The following MAP1S variants were observed in gnomAD, a reference collection of about 807,000 sequenced individuals.
MAP1S encodes microtubule-associated protein 1S.
In MAP1S, 27 loss-of-function variants were observed where a neutral mutation model predicts 60.9. The observed-to-expected ratio is 0.44, with a 90% confidence interval of 0.33 to 0.61. The LOEUF is 0.61. Among genes scored for constraint, MAP1S ranks in the 20% least tolerant of loss-of-function variants. MAP1S has a pLI of 0.03. For synonymous variants in MAP1S, 826 were observed against 694.2 expected (o/e 1.19, Z -2.98); for missense variants, 1,608 against 1,486.6 (o/e 1.08, Z -1.34).
rs752578611 is a variant in MAP1S, at chr19:17,733,312, C to T, written c.2908C>T (p.Arg970Cys). The T allele has an allele frequency of 4.5e-5, 72 of 1,596,474 alleles. No homozygotes were observed. The highest frequency in any genetic ancestry group is 5.7e-5 in the Non-Finnish European group (67 of 1,172,954). The change falls in exon 6 of 7, where the codon CGC (arginine) becomes TGC (cysteine). Residue 970 changes from arginine (R) to cysteine (C), a missense_variant. Around this residue, in one of 4 missense-constraint regions of MAP1S, gnomAD observed 1,167 missense variants for 961.4 expected, o/e 1.21. Coordinates refer to ENST00000324096, the MANE Select transcript of MAP1S (RefSeq NM_018174.6). The part of the protein sequence containing the change: ...AHLVDEEFFQ[R>C]VRALCYVISG... ...CCTGGTGGATGAGGAGTTCTTCCAG[C>T]GCGTGCGCGCGCTCTGCTACGTCAT... is the stretch of plus-strand genomic sequence containing the variant.
At chr19:17,730,872 GA>G (rs1318760584) in intron 5 of MAP1S, among the ~76,000 whole-genome samples, 1 of 149,814 alleles carries the variant, frequency 6.7e-6, no homozygotes, top group Non-Finnish European at 1.5e-5. Flanking sequence ...TTGCCACATC[GA>G]TTTTTTTTCT....
In MAP1S at chr19:17,727,161, C is replaced by A. The variant is rs754511905; in HGVS notation, c.1777C>A (p.Pro593Thr). ...CAGCCTCCGATGTGGAGAAGCCAGC[C>A]CCCCCAGTGCAGCCTGCGGCTCTCC... The part of the protein sequence containing the change: ...PPSLRCGEAS[P>T]PSAACGSPAS... Residue 593 changes from proline to threonine, a missense_variant, in exon 5 of 7, where the codon CCC (proline) becomes ACC (threonine). By Grantham distance (38) the Pro-to-Thr change is conservative. This residue lies in a region of MAP1S where 1,167 missense variants were observed against 961.4 expected (regional missense o/e 1.21). Transcript: ENST00000324096. The surrounding 1 kb of genome is among the most constrained non-coding windows in gnomAD (Gnocchi z 4.1). 2.6e-5 allele frequency: 41 copies of A among 1,587,816 alleles called. No homozygotes were observed. The highest frequency in any genetic ancestry group is 3.0e-5 in the Non-Finnish European group (35 of 1,170,418).
chr19:17,729,246 T>TC (rs2080471837), intron 5 of MAP1S, among the ~76,000 whole-genome samples: 1 of 152,072 alleles, frequency 6.6e-6, no homozygotes, highest in Non-Finnish European at 1.5e-5. Flanking sequence ...TAACAGTGTG[T>TC]CCCTCATGGA....
At chr19:17,724,030 TATG>T (rs2080394599) in intron 2 of MAP1S, 93 bp from the exon 3 acceptor site, 2 of 888,380 alleles carry the variant, frequency 2.3e-6, no homozygotes, top group African/African-American at 3.3e-5. Flanking sequence ...TTAATCTCCA[TATG>T]ATCCCTGGGT....
Position 17,725,912 on chromosome 19 carries a change from T to A in MAP1S, c.528T>A (p.Ala176=). 1 of 1,613,776 alleles carries A rather than the reference T, an allele frequency of 6.2e-7. No individual in the cohort carries two copies. The highest frequency in any genetic ancestry group is 8.5e-7 in the Non-Finnish European group (1 of 1,179,968). ...CCTGCCCCACCTTCGGTGACTGGGC[T>A]CAGCTGGCACCCGCTGTGCCTGGCC... ...TITCPTFGDW[A]QLAPAVPGLQ... is the part of the protein sequence containing the mutation. The change falls in exon 5 of 7, where the codon GCT becomes GCA. Residue 176 remains alanine, a synonymous_variant. Transcript: ENST00000324096. This position sits in a 1 kb window ranked among gnomAD's most constrained non-coding sequence, Gnocchi z 4.2.
Position 17,727,843 on chromosome 19 carries a change from G to T in MAP1S, c.2459G>T (p.Arg820Leu), listed in dbSNP as rs200408004. The T allele has an allele frequency of 3.1e-6, 5 of 1,613,300 alleles. No individual in the cohort carries two copies. Among genetic ancestry groups the T allele is most frequent in the Non-Finnish European group, 4.2e-6 (5 of 1,179,866 alleles). ...GACACAGAGGGCTTTGGAGTCCCTC[G>T]CCACGACCCTTTGCCTGACCCCCTC... is the stretch of plus-strand genomic sequence containing the variant. Reference protein sequence around the residue: ...DEDTEGFGVPRHDPLPDPLKV... With the variant: ...DEDTEGFGVPLHDPLPDPLKV... Residue 820 changes from arginine (R) to leucine (L), a missense_variant, in exon 5 of 7, where the codon CGC (arginine) becomes CTC (leucine). Coordinates refer to ENST00000324096, the MANE Select transcript of MAP1S (RefSeq NM_018174.6). The surrounding 1 kb of genome is among the most constrained non-coding windows in gnomAD (Gnocchi z 4.1).
rs963163862 is a variant in MAP1S at position 17,734,394 on chromosome 19, A to G, written c.3146A>G (p.Asp1049Gly). 4 of 1,613,270 alleles carry G rather than the reference A, an allele frequency of 2.5e-6. No individual in the cohort carries two copies. The highest frequency in any genetic ancestry group is 3.4e-6 in the Non-Finnish European group (4 of 1,179,906). The change falls in exon 7 of 7, where the codon GAT (aspartate) becomes GGT (glycine). Residue 1049 changes from aspartate to glycine, a missense_variant. Transcript: ENST00000324096. ...AGCAACAGCATGGTGTCCATGCAGG[A>G]TGACGCCTTCCCGGCCTGCAAGGTG... ...LGSNSMVSMQDDAFPACKVEF is the reference protein window; with the variant it reads ...LGSNSMVSMQGDAFPACKVEF
chr19:17,724,231 G>T (rs1357452882), intron 3 of MAP1S, 23 bp downstream of exon 3: 2 of 1,603,144 alleles, frequency 1.2e-6, no homozygotes, highest in Non-Finnish European at 1.7e-6. Context: ...TGACGTCCTG[G>T]AGGGGGCGGG....
rs745652204 is a variant in MAP1S at position 17,727,363 on chromosome 19, G to A, written c.1979G>A (p.Arg660Gln). 5.7e-6 allele frequency: 9 copies of A among 1,586,218 alleles called. No homozygotes were observed. Among genetic ancestry groups the A allele is most frequent in the East Asian group, 2.3e-5 (1 of 43,244 alleles). The stretch of plus-strand genomic sequence containing the variant: ...GAGCGGCTGTCGCTGAGCCCACTGC[G>A]GGGCGGGGAGGCCGGGCCAGACGCC... ...GSERLSLSPL[R>Q]GGEAGPDASP... The change falls in exon 5 of 7, where the codon CGG becomes CAG. Residue 660 changes from arginine (R) to glutamine (Q), a missense_variant. Transcript: ENST00000324096. The surrounding 1 kb of genome is among the most constrained non-coding windows in gnomAD (Gnocchi z 4.1).
chr19:17,733,949 A>G (rs1046553458), intron 6 of MAP1S, among the ~76,000 whole-genome samples: 2 of 152,146 alleles, frequency 1.3e-5, no homozygotes, highest in African/African-American at 4.8e-5. Context: ...CAGAGGTAGG[A>G]AAGAGGTTGG....
chr19:17,725,822 C>T lies in MAP1S; in HGVS notation c.445-7C>T, dbSNP rs1204461705. On this transcript the variant is annotated splice_region_variant and splice_polypyrimidine_tract_variant and intron_variant, in intron 4 of 6. Transcript: ENST00000324096. The surrounding 1 kb of genome is among the most constrained non-coding windows in gnomAD (Gnocchi z 4.2). ...AGGTGGTCCCTTACCACTCCTCCTCCATACAGATCCGGGACATCCTGGCCA... is the reference window on the plus strand; with the variant it reads ...AGGTGGTCCCTTACCACTCCTCCTCTATACAGATCCGGGACATCCTGGCCA... 1 of 1,607,906 alleles carries T rather than the reference C, an allele frequency of 6.2e-7. No homozygotes were observed.
intron 2 of MAP1S, chr19:17,721,448 G>A (rs534870354): frequency 2.4e-5 from 7 of 293,654 alleles, no homozygotes; most frequent in Non-Finnish European, 3.3e-5. Context: ...AGGCCGCAGC[G>A]GGCGGATCAC....
intron 5 of MAP1S, among the ~76,000 whole-genome samples, chr19:17,731,269 C>T (rs887533659): frequency 6.6e-6 from 1 of 152,106 alleles, no homozygotes; most frequent in African/African-American, 2.4e-5. Flanking sequence ...CATTTAGGTC[C>T]ATTTGGAGGT....
Position 17,726,891 on chromosome 19 carries a change from C to T in MAP1S, c.1507C>T (p.Arg503Cys), listed in dbSNP as rs1402114638. The change falls in exon 5 of 7, where the codon CGC becomes TGC. Residue 503 changes from arginine to cysteine, a missense_variant. Arg to Cys is a radical substitution (Grantham distance 180, BLOSUM62 -3). Around this residue, in one of 4 missense-constraint regions of MAP1S, gnomAD observed 1,167 missense variants for 961.4 expected, o/e 1.21. Transcript: ENST00000324096. ...TGGCCAGGAGCGCCCTGGGGTGGCC[C>T]GCAAGGAGCCAGCACGGGCTGAGGC... ...RPGQERPGVA[R>C]KEPARAEAPR... is the part of the protein sequence containing the mutation. The T allele has an allele frequency of 3.2e-6, 5 of 1,558,290 alleles. No individual in the cohort carries two copies. Among genetic ancestry groups the T allele is most frequent in the South Asian group, 2.4e-5 (2 of 84,712 alleles).
chr19:17,722,059 A>C (rs1259235641), intron 2 of MAP1S, among the ~76,000 whole-genome samples: 1 of 152,108 alleles, frequency 6.6e-6, no homozygotes, highest in Non-Finnish European at 1.5e-5. Context: ...CAGAAAGTGG[A>C]GCTGGAAATC....
chr19:17,723,812 A>G (rs572642641), intron 2 of MAP1S, among the ~76,000 whole-genome samples: 179 of 152,218 alleles, frequency 1.2e-3, no homozygotes, highest in African/African-American at 3.8e-3. Flanking sequence ...CAGAGATTGC[A>G]CCACTGCCCT....
At position 17,720,175 on chromosome 19, in the gene MAP1S, C is replaced by G. The variant is rs146483015; in HGVS notation, c.118+555C>G. On this transcript the variant is annotated intron_variant, in intron 1 of 6. Transcript: ENST00000324096. ...GGAGGTGAGTCATAGGCGCACCTGC[C>G]AGGTTCACCTGCAGCCACTTGGCTC... 6.9e-5 allele frequency: 93 copies of G among 1,340,122 alleles called. No individual in the cohort carries two copies. In the East Asian group the frequency reaches 2.1e-3, roughly 31 times the overall value. The allele number at this position is 1,340,122 out of a possible 1,614,324, so 83.0% of individuals were successfully genotyped here. A position where few individuals can be genotyped will look rare whatever the true frequency, so the allele number is the denominator to read the frequency against.
Position 17,726,398 on chromosome 19 carries a change from C to A in MAP1S, c.1014C>A (p.Phe338Leu). 1 of 1,586,428 alleles carries A rather than the reference C, an allele frequency of 6.3e-7. No homozygotes were observed. Among genetic ancestry groups the A allele is most frequent in the South Asian group, 1.1e-5 (1 of 88,792 alleles). ...TCTCCCCCAACCTGGGGGTCGTGTT[C>A]TTCAACGCCTGCGAGGCCGCGTCGC... ...RLISPNLGVV[F>L]FNACEAASRL... The change falls in exon 5 of 7, where the codon TTC becomes TTA. Residue 338 changes from phenylalanine (F) to leucine (L), a missense_variant. Phe to Leu is a conservative substitution (Grantham distance 22). This residue lies in a region of MAP1S where 1,167 missense variants were observed against 961.4 expected (regional missense o/e 1.21). Coordinates refer to ENST00000324096, the MANE Select transcript of MAP1S (RefSeq NM_018174.6).
chr19:17,727,375 C>T lies in MAP1S; in HGVS notation c.1991C>T (p.Ala664Val), dbSNP rs762402215. ...LSLSPLRGGE[A>V]GPDASPTVTT... ...CTGAGCCCACTGCGGGGCGGGGAGG[C>T]CGGGCCAGACGCCTCACCCACAGTG... The change falls in exon 5 of 7, where the codon GCC (alanine) becomes GTC (valine). Residue 664 changes from alanine (A) to valine (V), a missense_variant. Around this residue, in one of 4 missense-constraint regions of MAP1S, gnomAD observed 1,167 missense variants for 961.4 expected, o/e 1.21. Coordinates refer to ENST00000324096, the MANE Select transcript of MAP1S (RefSeq NM_018174.6). This position sits in a 1 kb window ranked among gnomAD's most constrained non-coding sequence, Gnocchi z 4.1. 37 of 1,589,406 alleles carry T rather than the reference C, an allele frequency of 2.3e-5. No individual in the cohort carries two copies. Among genetic ancestry groups the T allele is most frequent in the Middle Eastern group, 1.7e-4 (1 of 6,010 alleles).
Sources: gnomAD v4.1 joint callset for allele counts (sites outside exome capture counted in the v4.1 genomes callset) on GRCh38, gnomAD v4.1.1 for gene constraint, gnomAD v4.1.1 regional missense constraint, Gnocchi (gnomAD v3.1) non-coding constraint, MANE v1.5 for transcripts, NCBI Gene and HGNC (gene_info 2026-07-23, HGNC 2026-07-21) for gene names.